ETV6: variants seen among roughly 807,000 people sequenced by gnomAD.
ETV6 encodes ETS variant transcription factor 6.
A neutral mutation model predicts 51.1 loss-of-function variants in ETV6; 16 were observed. The ratio of observed to expected loss-of-function variants is 0.31; its 90% CI spans 0.21 to 0.48. The LOEUF is 0.48. ETV6 is among the 20% of genes least tolerant of loss of function. ETV6 has a pLI of 0.99. For missense variants in ETV6, 458 were observed against 594.8 expected, an observed-to-expected ratio of 0.77 and a Z score of 2.39; for synonymous variants, 240 against 224.1, an observed-to-expected ratio of 1.07 and a Z score of -0.64.
intron 5 of ETV6, among the ~76,000 whole-genome samples, chr12:11,883,275 T>TCTTCTTC (rs1947129919): frequency 5.4e-5 from 2 of 36,912 alleles, no homozygotes; most frequent in Admixed American, 5.8e-4. Flanking sequence ...CATGTCTTCT[T>TCTTCTTC]CTTTTTTTTT....
intron 1 of ETV6, among the ~76,000 whole-genome samples, chr12:11,687,576 A>C (rs751247617): frequency 9.2e-5 from 14 of 152,184 alleles, no homozygotes; most frequent in Non-Finnish European, 1.9e-4. Flanking sequence ...AAATCAGTAA[A>C]TTAATATGAA....
chr12:11,721,040 A>G (rs1865375210), intron 1 of ETV6, among the ~76,000 whole-genome samples: 1 of 152,214 alleles, frequency 6.6e-6, no homozygotes, highest in Admixed American at 6.5e-5. Context: ...ACCAGTCAGA[A>G]TGCTATTATC....
chr12:11,760,810 A>T (rs1258470439), intron 2 of ETV6, among the ~76,000 whole-genome samples: 1 of 151,494 alleles, frequency 6.6e-6, no homozygotes, highest in African/African-American at 2.4e-5. Context: ...TCATAAAGCC[A>T]CTCTAGAGAA....
At chr12:11,827,225 G>A (rs914699914) in intron 2 of ETV6, among the ~76,000 whole-genome samples, 3 of 152,026 alleles carry the variant, frequency 2.0e-5, no homozygotes, top group African/African-American at 7.3e-5. Context: ...TCCTGCCTGT[G>A]TGTCACAGCA....
At chr12:11,786,328 CTTAAT>C (rs1945483536) in intron 2 of ETV6, among the ~76,000 whole-genome samples, 1 of 88,148 alleles carries the variant, frequency 1.1e-5, no homozygotes, top group Non-Finnish European at 2.5e-5. Context: ...TTAAGTACAA[CTTAAT>C]TTGTTTTTTT....
intron 1 of ETV6, among the ~76,000 whole-genome samples, chr12:11,728,389 GCATTA>G (rs1865530350): frequency 6.6e-6 from 1 of 152,210 alleles, no homozygotes; most frequent in East Asian, 1.9e-4. Context: ...GGGCAAGTGA[GCATTA>G]CCACCTGAGC....
chr12:11,851,661 A>G (rs1047096091), intron 3 of ETV6, among the ~76,000 whole-genome samples: 1 of 152,228 alleles, frequency 6.6e-6, no homozygotes, highest in Non-Finnish European at 1.5e-5. Context: ...TGCCCAAGTG[A>G]CATGGTGTCT....
At chr12:11,685,356 A>G (rs1864608457) in intron 1 of ETV6, among the ~76,000 whole-genome samples, 1 of 151,916 alleles carries the variant, frequency 6.6e-6, no homozygotes, top group African/African-American at 2.4e-5. Flanking sequence ...AGAAATGGAA[A>G]ATTCAGGCTA....
chr12:11,690,448 G>T (rs541248369), intron 1 of ETV6, among the ~76,000 whole-genome samples: 12 of 151,908 alleles, frequency 7.9e-5, no homozygotes, highest in Non-Finnish European at 1.6e-4. Flanking sequence ...TTTTTATGCT[G>T]GTTGTGATGG....
chr12:11,750,764 C>G, intron 1 of ETV6: 1 of 455,136 alleles, frequency 2.2e-6, no homozygotes, highest in Non-Finnish European at 4.2e-6. Flanking sequence ...AACCTCTGAA[C>G]AGATTTTATG....
chr12:11,671,211 G>A (rs1423117163), intron 1 of ETV6, among the ~76,000 whole-genome samples: 1 of 152,176 alleles, frequency 6.6e-6, no homozygotes, highest in Admixed American at 6.5e-5. Flanking sequence ...TTTTGAGAGA[G>A]GCCCAAGGTG....
At chr12:11,884,620 T>C in intron 6 of ETV6, 33 bp downstream of exon 6, 2 of 1,612,060 alleles carry the variant, frequency 1.2e-6, no homozygotes, top group Non-Finnish European at 1.7e-6. Context: ...CTCCATAAAC[T>C]AGTGCCAAAA....
intron 3 of ETV6, among the ~76,000 whole-genome samples, chr12:11,851,298 C>T (rs1208854575): frequency 6.6e-6 from 1 of 151,510 alleles, no homozygotes; most frequent in African/African-American, 2.4e-5. Flanking sequence ...TTTTTCTATT[C>T]CGCATACTAC....
At chr12:11,838,358 A>G (rs1946344565) in intron 2 of ETV6, among the ~76,000 whole-genome samples, 1 of 152,228 alleles carries the variant, frequency 6.6e-6, no homozygotes, top group South Asian at 2.1e-4. Flanking sequence ...AAATAAAACT[A>G]TAGACTTACA....
chr12:11,685,532 T>C (rs1397987259), intron 1 of ETV6, among the ~76,000 whole-genome samples: 4 of 152,050 alleles, frequency 2.6e-5, no homozygotes, highest in Non-Finnish European at 5.9e-5. Context: ...AATGACTTTT[T>C]AATACTTCTT....
At chr12:11,803,176 A>G (rs913314129) in intron 2 of ETV6, among the ~76,000 whole-genome samples, 6 of 152,168 alleles carry the variant, frequency 3.9e-5, no homozygotes, top group African/African-American at 1.4e-4. Context: ...CTTTGTTTAT[A>G]GTAAATAATC....
rs557921027 is a variant in ETV6, at chr12:11,672,705, AC to A, written c.33+22550del. Among the ~76,000 whole-genome samples the A allele has an allele frequency of 2.1e-3, 321 of 152,142 alleles. 3 individuals are homozygous for A. Among genetic ancestry groups the A allele is most frequent in the African/African-American group, 7.5e-3 (311 of 41,502 alleles). The stretch of plus-strand genomic sequence containing the variant: ...CGGCCACCTTACTGAAATCTCACTG[AC>A]CCCCACCACACGTGTTAACAGCAGG... On this transcript the variant is annotated intron_variant, in intron 1 of 7. Transcript: ENST00000396373.
chr12:11,682,687 A>G (rs1047593722), intron 1 of ETV6, among the ~76,000 whole-genome samples: 2 of 152,144 alleles, frequency 1.3e-5, no homozygotes, highest in African/African-American at 4.8e-5. Context: ...AAGGGTTTTT[A>G]TGGTTTTATA....
chr12:11,704,903 G>T (rs1865045181), intron 1 of ETV6, among the ~76,000 whole-genome samples: 1 of 152,124 alleles, frequency 6.6e-6, no homozygotes, highest in East Asian at 1.9e-4. Context: ...AACATGGATA[G>T]ACCTAGAGGA....
Sources: allele counts gnomAD v4.1 joint callset (sites outside exome capture counted in the v4.1 genomes callset), GRCh38; gene constraint gnomAD v4.1.1; transcripts MANE v1.5; gene names NCBI Gene and HGNC (gene_info 2026-07-23, HGNC 2026-07-21).